Variants in BFSP1 observed in about 807,000 individuals in gnomAD.
BFSP1 encodes the protein beaded filament structural protein 1.
A neutral mutation model predicts 43.9 loss-of-function variants in BFSP1; 38 were observed. That is an observed-to-expected ratio of 0.87 (90% CI 0.67 to 1.14). The LOEUF is 1.14. Among genes scored for constraint, BFSP1 ranks in the 50% most tolerant of loss-of-function variants. The pLI, the probability that BFSP1 is intolerant of heterozygous loss-of-function variation, is 0.00. For missense variants in BFSP1, 850 were observed against 875.1 expected, an observed-to-expected ratio of 0.97 and a Z score of 0.36; for synonymous variants, 352 against 354.8, an observed-to-expected ratio of 0.99 and a Z score of 0.09.
chr20:17,527,750 AAGAG>A lies in BFSP1; in HGVS notation c.378-2846_378-2843del, dbSNP rs10604740. 5.3e-5 allele frequency among the ~76,000 whole-genome samples: 8 copies of A among 150,502 alleles called. No individual in the cohort carries two copies. The South Asian group carries it at 1.0e-3, about 20-fold the overall frequency. The stretch of plus-strand genomic sequence containing the variant: ...ATCAAAAAAAATAATAAAATAAAAT[AAGAG>A]AGAGAGAGAGAGTGATTTCACTACA... On this transcript the variant is annotated intron_variant, in intron 1 of 7. Transcript: ENST00000377873.
chr20:17,554,918 T>G (rs1370609415), intron 1 of BFSP1, among the ~76,000 whole-genome samples: 1 of 152,148 alleles, frequency 6.6e-6, no homozygotes, highest in Non-Finnish European at 1.5e-5. Context: ...CAAATGTTTG[T>G]CTTTAATAAA....
chr20:17,505,684 A>G (rs966798088), intron 5 of BFSP1, among the ~76,000 whole-genome samples: 1 of 152,266 alleles, frequency 6.6e-6, no homozygotes, highest in African/African-American at 2.4e-5. Flanking sequence ...AGCCTGGGAC[A>G]CAGGGGGACC....
intron 1 of BFSP1, among the ~76,000 whole-genome samples, chr20:17,526,807 C>A (rs1032167039): frequency 1.3e-5 from 2 of 152,208 alleles, no homozygotes; most frequent in African/African-American, 4.8e-5. Context: ...TTCTCCACAT[C>A]CTAACAAACA....
chr20:17,561,398 C>T (rs1327598720), upstream of BFSP1, among the ~76,000 whole-genome samples: 1 of 151,980 alleles, frequency 6.6e-6, no homozygotes, highest in African/African-American at 2.4e-5. Context: ...ACTCGGGAGG[C>T]TGAGGCAGGA....
At chr20:17,506,805 G>C (rs930952486) in intron 5 of BFSP1, 1 of 152,158 alleles carries the variant, frequency 6.6e-6, no homozygotes, top group African/African-American at 2.4e-5. Context: ...CATTACAGGC[G>C]TGAGCCACCA....
chr20:17,505,557 G>GC (rs2033915752), intron 5 of BFSP1, among the ~76,000 whole-genome samples: 2 of 152,242 alleles, frequency 1.3e-5, no homozygotes, highest in Admixed American at 1.3e-4. Context: ...AGCGGGCCCT[G>GC]CCCGGCGGTG....
chr20:17,517,317 G>C (rs1231505044), intron 2 of BFSP1: 1 of 1,180,986 alleles, frequency 8.5e-7, no homozygotes, highest in Non-Finnish European at 1.2e-6. Context: ...GGAACTGTAT[G>C]AGTTAATAAA....
intron 2 of BFSP1, among the ~76,000 whole-genome samples, chr20:17,515,933 G>A (rs1295359003): frequency 1.3e-5 from 2 of 152,198 alleles, no homozygotes; most frequent in African/African-American, 4.8e-5. Context: ...ACAGAGTTAT[G>A]ACAGTCACGA....
intron 1 of BFSP1, among the ~76,000 whole-genome samples, chr20:17,545,198 G>A (rs1490327761): frequency 6.6e-6 from 1 of 152,190 alleles, no homozygotes; most frequent in African/African-American, 2.4e-5. Flanking sequence ...AAAAAGAGCA[G>A]GTAGGGCTTT....
chr20:17,534,050 TAGA>T (rs1465832678), upstream of BFSP1, among the ~76,000 whole-genome samples: 3 of 152,206 alleles, frequency 2.0e-5, no homozygotes, highest in Non-Finnish European at 2.9e-5. Flanking sequence ...GCTATGTGCT[TAGA>T]AGGAGTGTGC....
intron 1 of BFSP1, among the ~76,000 whole-genome samples, chr20:17,528,162 T>C (rs536000547): frequency 9.2e-5 from 14 of 152,314 alleles, no homozygotes; most frequent in African/African-American, 2.4e-4. Flanking sequence ...TGGATGTGGA[T>C]GAGCATTTCT....
chr20:17,501,115 T>C (rs1008877654), intron 5 of BFSP1, among the ~76,000 whole-genome samples: 3 of 152,232 alleles, frequency 2.0e-5, no homozygotes, highest in African/African-American at 7.2e-5. Flanking sequence ...TTCAACTTCA[T>C]GTATGTCCAC....
chr20:17,530,993 C>T lies in BFSP1; in HGVS notation c.337G>A (p.Gly113Ser). The change falls in exon 1 of 8, where the codon GGC (glycine) becomes AGC (serine). Residue 113 changes from glycine to serine, a missense_variant. Gly to Ser is a moderately conservative substitution (Grantham distance 56). Coordinates refer to ENST00000377873, the MANE Select transcript of BFSP1 (RefSeq NM_001195.5). ...EAERARLERQ[G>S]TEAQRALDEF... is the part of the protein sequence containing the mutation. The stretch of plus-strand genomic sequence containing the variant: ...TCGAGCGCGCGCTGCGCCTCGGTGC[C>T]CTGGCGCTCCAGCCGGGCGCGCTCG... The T allele has an allele frequency of 6.9e-7, 1 of 1,439,216 alleles. No individual in the cohort carries two copies. Among genetic ancestry groups the T allele is most frequent in the Non-Finnish European group, 9.1e-7 (1 of 1,100,888 alleles). 89.2% of individuals were successfully genotyped at this position (1,439,216 alleles called of 1,614,324 possible). A position where few individuals can be genotyped will look rare whatever the true frequency, so the allele number is the denominator to read the frequency against.
chr20:17,532,798 A>G (rs2034569245), upstream of BFSP1, among the ~76,000 whole-genome samples: 1 of 152,210 alleles, frequency 6.6e-6, no homozygotes, highest in Non-Finnish European at 1.5e-5. Context: ...AACTTTAAAA[A>G]TAAGTATCAA....
Position 17,494,263 on chromosome 20 carries a change from A to C in BFSP1, c.1809T>G (p.Thr603=). 3.7e-6 allele frequency: 6 copies of C among 1,614,132 alleles called. No homozygotes were observed. Among genetic ancestry groups the C allele is most frequent in the Non-Finnish European group, 4.2e-6 (5 of 1,180,026 alleles). The stretch of plus-strand genomic sequence containing the variant: ...CTTTTTCTGGCAGGCTTCTGCTCCT[A>C]GTCCCAAGCACCTCAGCTCCATCCT... ...ADQDGAEVLG[T]RSRSLPEKGP... The change falls in exon 8 of 8, where the codon ACT becomes ACG. Residue 603 remains threonine, a synonymous_variant. Transcript: ENST00000377873.
chr20:17,554,868 G>T lies in BFSP1; in HGVS notation c.2+3820C>A, dbSNP rs554755149. On this transcript the variant is annotated intron_variant, in intron 1 of 7. Coordinates refer to the BFSP1 transcript ENST00000377868. ...AGGAAAAGTATTAGAATTAATGAGG[G>T]CTCAGTAAGATGGCTGGCTATAAGA... Among the ~76,000 whole-genome samples, 76 of 152,266 alleles carry T rather than the reference G, an allele frequency of 5.0e-4. 1 individual carries two copies. Among genetic ancestry groups the T allele is most frequent in the Non-Finnish European group, 8.5e-4 (58 of 68,010 alleles).
At chr20:17,517,455 T>C (rs2034223984) in intron 2 of BFSP1, 3 of 597,976 alleles carry the variant, frequency 5.0e-6, no homozygotes, top group African/African-American at 1.9e-5. Flanking sequence ...AGCTAATTTT[T>C]CTATTTTTGG....
At chr20:17,556,232 G>A (rs1600686084) in intron 1 of BFSP1, among the ~76,000 whole-genome samples, 1 of 152,176 alleles carries the variant, frequency 6.6e-6, no homozygotes, top group Admixed American at 6.5e-5. Flanking sequence ...GCCGGGTGCA[G>A]TGGCTCGTGC....
At chr20:17,524,408 T>C (rs1256132936) in intron 2 of BFSP1, among the ~76,000 whole-genome samples, 1 of 152,062 alleles carries the variant, frequency 6.6e-6, no homozygotes, top group Admixed American at 6.5e-5. Context: ...CTAGAGGAAA[T>C]AGAAATTTCT....
Sources: gnomAD v4.1 joint callset for allele counts (sites outside exome capture counted in the v4.1 genomes callset) on GRCh38, gnomAD v4.1.1 for gene constraint, MANE v1.5 for transcripts, NCBI Gene and HGNC (gene_info 2026-07-23, HGNC 2026-07-21) for gene names.